Variants in KLF12 observed in about 807,000 individuals in gnomAD.
The protein encoded by KLF12 is Krueppel-like factor 12.
In KLF12, 9 loss-of-function variants were observed where a neutral mutation model predicts 37.8. The observed-to-expected ratio is 0.24, with a 90% confidence interval of 0.14 to 0.42. The LOEUF (loss-of-function observed/expected upper bound fraction) is 0.42, where lower values mean the gene tolerates loss of function less well. KLF12 is among the 10% of genes least tolerant of loss of function. KLF12 has a pLI of 1.00. For missense variants in KLF12, 411 were observed against 516.0 expected (o/e 0.80, Z 1.97); for synonymous variants, 208 against 202.1 (o/e 1.03, Z -0.25).
chr13:73,828,646 C>T (rs1169211164), intron 4 of KLF12, among the ~76,000 whole-genome samples: 1 of 152,162 alleles, frequency 6.6e-6, no homozygotes, highest in South Asian at 2.1e-4. Flanking sequence ...TACATTCAAC[C>T]CTTCATGCCC....
At chr13:73,859,426 T>A (rs1272174892) in intron 3 of KLF12, among the ~76,000 whole-genome samples, 1 of 152,174 alleles carries the variant, frequency 6.6e-6, no homozygotes, top group Non-Finnish European at 1.5e-5. Context: ...CCATGCTGCC[T>A]GCATCAGCCC....
chr13:73,816,278 T>C (rs1223625442), intron 4 of KLF12, among the ~76,000 whole-genome samples: 1 of 152,182 alleles, frequency 6.6e-6, no homozygotes, highest in African/African-American at 2.4e-5. Context: ...GCATGCCCAT[T>C]TAAAGACCAA....
At chr13:73,958,698 T>C (rs974674801) in intron 2 of KLF12, among the ~76,000 whole-genome samples, 1 of 152,204 alleles carries the variant, frequency 6.6e-6, no homozygotes, top group African/African-American at 2.4e-5. Flanking sequence ...GCTCTCACAC[T>C]GAATTGGTAC....
At chr13:74,031,930 G>T (rs143169189) in intron 1 of KLF12, among the ~76,000 whole-genome samples, 200 of 152,184 alleles carry the variant, frequency 1.3e-3, no homozygotes, top group African/African-American at 4.0e-3. Context: ...ATTATTTTAG[G>T]TAAATAGGAA....
chr13:74,026,638 A>G lies in KLF12; in HGVS notation c.-31-31585T>C, dbSNP rs187952834. Among the ~76,000 whole-genome samples the G allele has an allele frequency of 2.0e-5, 3 of 152,316 alleles. No homozygotes were observed. In the East Asian group the frequency reaches 5.8e-4, roughly 29 times the overall value. On this transcript the variant is annotated intron_variant, in intron 1 of 7. Transcript: ENST00000377669. ...ACATTTCTGTTACATGTATTTTACT[A>G]TAATTAAAAACAACAAATACCTGAT... is the stretch of plus-strand genomic sequence containing the variant.
At chr13:73,760,343 CAG>C (rs1879467401) in intron 6 of KLF12, among the ~76,000 whole-genome samples, 1 of 152,124 alleles carries the variant, frequency 6.6e-6, no homozygotes, top group Non-Finnish European at 1.5e-5. Context: ...AGTTTTTTCA[CAG>C]AGTCTTGCTC....
At chr13:73,994,130 A>G (rs190359487) in intron 2 of KLF12, among the ~76,000 whole-genome samples, 10 of 152,324 alleles carry the variant, frequency 6.6e-5, no homozygotes, top group Non-Finnish European at 1.0e-4. Context: ...GAAAGATACA[A>G]CCTTGAAAAT....
intron 4 of KLF12, among the ~76,000 whole-genome samples, chr13:73,832,823 A>G (rs1282388039): frequency 1.3e-5 from 2 of 152,234 alleles, no homozygotes; most frequent in African/African-American, 2.4e-5. Context: ...AATGCTCTAC[A>G]AACACCAAAA....
chr13:74,295,720 A>G, the KLF12 span, among the ~76,000 whole-genome samples: 1 of 152,192 alleles, frequency 6.6e-6, no homozygotes, highest in Non-Finnish European at 1.5e-5. Flanking sequence ...ATATTCTAGA[A>G]ATGATATATA....
rs564970496 is a variant in KLF12 at position 74,007,203 on chromosome 13, C to T, written c.-31-12150G>A. Among the ~76,000 whole-genome samples, 15 of 151,950 alleles carry T rather than the reference C, an allele frequency of 9.9e-5. No homozygotes were observed. The South Asian group carries it at 2.7e-3, about 27-fold the overall frequency. The stretch of plus-strand genomic sequence containing the variant: ...CTTTAAAAATCTACTGTAGGCATCA[C>T]ATTTTGTGGTGAAATACTGAAAGCT... On this transcript the variant is annotated intron_variant, in intron 1 of 7. Transcript: ENST00000377669.
rs535553088 is a variant in KLF12 at position 73,846,000 on chromosome 13, G to C, written c.497C>G (p.Pro166Arg). Residue 166 changes from proline (P) to arginine (R), a missense_variant, in exon 4 of 8, where the codon CCC becomes CGC. Transcript: ENST00000377669. ...ATTCATGGGACTTGAAGGCGGTACG[G>C]GATGGATAATGTGCAAAAACTGCTG... The C allele has an allele frequency of 2.0e-5, 33 of 1,614,014 alleles. No individual in the cohort carries two copies. The South Asian group carries it at 3.4e-4, about 17-fold the overall frequency.
At chr13:74,267,473 GC>G in the KLF12 span, among the ~76,000 whole-genome samples, 1 of 152,172 alleles carries the variant, frequency 6.6e-6, no homozygotes, top group Non-Finnish European at 1.5e-5. Context: ...AGTGCAAAAA[GC>G]TAGGTACAGA....
intron 3 of KLF12, among the ~76,000 whole-genome samples, chr13:73,898,854 C>T (rs545799338): frequency 1.8e-4 from 28 of 152,150 alleles, no homozygotes; most frequent in Non-Finnish European, 3.8e-4. Flanking sequence ...GAAGGATGGA[C>T]GGGTGAGGAC....
At chr13:73,801,653 G>A (rs1032399060) in intron 5 of KLF12, 1 of 152,112 alleles carries the variant, frequency 6.6e-6, no homozygotes, top group Non-Finnish European at 1.5e-5. Context: ...AAGATATCAC[G>A]TGGTGAAGTA....
chr13:74,291,425 T>C, the KLF12 span, among the ~76,000 whole-genome samples: 4 of 152,252 alleles, frequency 2.6e-5, no homozygotes, highest in Admixed American at 2.0e-4. Flanking sequence ...CTCAAAAGTC[T>C]CATCATCTGT....
intron 1 of KLF12, among the ~76,000 whole-genome samples, chr13:74,103,055 G>A (rs1876451084): frequency 6.6e-6 from 1 of 152,202 alleles, no homozygotes; most frequent in Non-Finnish European, 1.5e-5. Context: ...CATGGCTAAA[G>A]CCTGTTCTCA....
chr13:73,708,974 G>C (rs1875158185), intron 7 of KLF12, among the ~76,000 whole-genome samples: 1 of 152,154 alleles, frequency 6.6e-6, no homozygotes, highest in African/African-American at 2.4e-5. Context: ...ATGTGTATGT[G>C]ATGGCTGAGA....
chr13:73,700,879 A>G (rs1176805787), intron 7 of KLF12, among the ~76,000 whole-genome samples: 1 of 152,210 alleles, frequency 6.6e-6, no homozygotes, highest in African/African-American at 2.4e-5. Context: ...GCTTTGAAGC[A>G]ATTTAAAGCA....
chr13:74,068,220 GCA>G (rs564946427), intron 1 of KLF12, among the ~76,000 whole-genome samples: 133 of 152,296 alleles, frequency 8.7e-4, no homozygotes, highest in Non-Finnish European at 1.4e-3. Context: ...ATGAAATGCA[GCA>G]CAGTGTCTAT....
Sources: gnomAD v4.1 joint callset for allele counts (sites outside exome capture counted in the v4.1 genomes callset) on GRCh38, gnomAD v4.1.1 for gene constraint, MANE v1.5 for transcripts, NCBI Gene and HGNC (gene_info 2026-07-23, HGNC 2026-07-21) for gene names.